Variants in LINGO2 observed in about 807,000 individuals in gnomAD.
LINGO2 encodes the protein leucine rich repeat and Ig domain containing 2.
Under a neutral mutation model 30.6 loss-of-function variants are expected in LINGO2, and 14 were observed. The observed-to-expected ratio is 0.46, with a 90% CI of 0.30 to 0.72. The LOEUF is 0.72. Among genes scored for constraint, LINGO2 ranks in the 30% least tolerant of loss-of-function variants. LINGO2 has a pLI of 0.07. For missense variants in LINGO2, 729 were observed against 751.7 expected (o/e 0.97, Z 0.35); for synonymous variants, 317 against 288.5 (o/e 1.10, Z -1.00).
intron 1 of LINGO2, among the ~76,000 whole-genome samples, chr9:28,515,154 A>G (rs1330300738): frequency 6.6e-6 from 1 of 152,048 alleles, no homozygotes; most frequent in Non-Finnish European, 1.5e-5. Flanking sequence ...TCTGCAGTCC[A>G]CGGATCAAGG....
At chr9:28,108,722 C>T (rs745695413) in intron 4 of LINGO2, among the ~76,000 whole-genome samples, 3 of 152,064 alleles carry the variant, frequency 2.0e-5, no homozygotes, top group African/African-American at 4.8e-5. Flanking sequence ...AACCAACAGT[C>T]CTTGAATACT....
chr9:29,031,658 T>G, the LINGO2 span, among the ~76,000 whole-genome samples: 1 of 152,180 alleles, frequency 6.6e-6, no homozygotes, highest in African/African-American at 2.4e-5. Flanking sequence ...ATCCTAACTT[T>G]CTTTACGAAG....
intron 1 of LINGO2, among the ~76,000 whole-genome samples, chr9:28,551,975 C>T (rs1033187260): frequency 1.3e-5 from 2 of 151,902 alleles, no homozygotes; most frequent in Admixed American, 6.6e-5. Context: ...AATATTAATC[C>T]TTTTTATTTT....
At chr9:29,002,673 C>T in the LINGO2 span, among the ~76,000 whole-genome samples, 1 of 152,006 alleles carries the variant, frequency 6.6e-6, no homozygotes, top group Non-Finnish European at 1.5e-5. Flanking sequence ...TTTACCTGCG[C>T]TCTGTCACTA....
intron 4 of LINGO2, among the ~76,000 whole-genome samples, chr9:28,100,152 T>G (rs899973437): frequency 1.3e-5 from 2 of 152,174 alleles, no homozygotes; most frequent in African/African-American, 4.8e-5. Context: ...ACTTCACACC[T>G]AGCATCGTAC....
chr9:28,306,196 T>C (rs57721145), intron 3 of LINGO2, among the ~76,000 whole-genome samples: 8,859 of 148,700 alleles, frequency 0.06, 693 homozygotes, highest in African/African-American at 0.19. Context: ...TACTTGAACA[T>C]GAACTAAGTG....
At chr9:28,268,297 C>T (rs1822823796) in intron 4 of LINGO2, among the ~76,000 whole-genome samples, 1 of 151,950 alleles carries the variant, frequency 6.6e-6, no homozygotes, top group South Asian at 2.1e-4. Context: ...CAATTTTGAA[C>T]TAGATTAGAA....
At chr9:28,094,458 A>T (rs1197943107) in intron 4 of LINGO2, among the ~76,000 whole-genome samples, 1 of 152,070 alleles carries the variant, frequency 6.6e-6, no homozygotes, top group Non-Finnish European at 1.5e-5. Context: ...TAAATTTGGT[A>T]AAAATCTGTT....
chr9:28,835,079 T>C, the LINGO2 span, among the ~76,000 whole-genome samples: 1 of 152,312 alleles, frequency 6.6e-6, no homozygotes, highest in East Asian at 1.9e-4. Flanking sequence ...GGCTTAGACC[T>C]GCTCTCCATG....
the LINGO2 span, among the ~76,000 whole-genome samples, chr9:28,833,868 C>T: frequency 1.3e-5 from 2 of 152,168 alleles, no homozygotes; most frequent in Non-Finnish European, 2.9e-5. Flanking sequence ...TCCATCTTTC[C>T]AATCCCAGCC....
chr9:29,160,533 G>A, the LINGO2 span, among the ~76,000 whole-genome samples: 1 of 152,270 alleles, frequency 6.6e-6, no homozygotes, highest in Non-Finnish European at 1.5e-5. Flanking sequence ...GAGTATTAGA[G>A]AATTGCTTTA....
chr9:28,094,641 A>G (rs568234573), intron 4 of LINGO2, among the ~76,000 whole-genome samples: 1 of 152,240 alleles, frequency 6.6e-6, no homozygotes, highest in East Asian at 1.9e-4. Flanking sequence ...TATGTGTGCT[A>G]AAGGTGAACA....
chr9:28,357,325 C>CCG lies in LINGO2; in HGVS notation c.-246+15510_-246+15511insCG, dbSNP rs1021634217. Among the ~76,000 whole-genome samples the CCG allele has an allele frequency of 3.4e-5, 5 of 146,182 alleles. No individual in the cohort carries two copies. In the East Asian group the frequency reaches 8.7e-4, roughly 25 times the overall value. ...AGATACAGAAATAAAGCCCACCCCC[C>CCG]CCAAAAAAGAAAGCACCAATACTTC... On this transcript the variant is annotated intron_variant, in intron 3 of 5. Transcript: ENST00000379992.
At chr9:28,555,305 T>C (rs1260787236) in intron 1 of LINGO2, among the ~76,000 whole-genome samples, 3 of 144,140 alleles carry the variant, frequency 2.1e-5, no homozygotes, top group Admixed American at 6.9e-5. Flanking sequence ...TAAAAAATGA[T>C]AAAGGGGATA....
chr9:28,696,024 C>T, the LINGO2 span, among the ~76,000 whole-genome samples: 1 of 151,780 alleles, frequency 6.6e-6, no homozygotes, highest in South Asian at 2.1e-4. Context: ...AAACCGTTTC[C>T]TTACTTTTTC....
chr9:28,246,833 A>T lies in LINGO2; in HGVS notation c.-87+48375T>A, dbSNP rs186738845. On this transcript the variant is annotated intron_variant, in intron 4 of 5. Transcript: ENST00000379992. ...GAACAGGCATCCTACAGAGTGGGAG[A>T]ATATTTTTGCAATCTACCCTTTTGA... 2.0e-3 allele frequency among the ~76,000 whole-genome samples: 312 copies of T among 152,344 alleles called. 1 individual carries two copies. Among genetic ancestry groups the T allele is most frequent in the African/African-American group, 7.2e-3 (301 of 41,586 alleles).
At chr9:29,149,364 C>T in the LINGO2 span, among the ~76,000 whole-genome samples, 1 of 152,006 alleles carries the variant, frequency 6.6e-6, no homozygotes, top group Non-Finnish European at 1.5e-5. Flanking sequence ...TGACTAGATG[C>T]AGCCAGGAAG....
chr9:28,934,823 G>A, the LINGO2 span, among the ~76,000 whole-genome samples: 1 of 152,098 alleles, frequency 6.6e-6, no homozygotes, highest in Non-Finnish European at 1.5e-5. Context: ...TGTACAAAGG[G>A]TGATTCAATT....
At chr9:28,340,542 G>C (rs1240442519) in intron 3 of LINGO2, among the ~76,000 whole-genome samples, 3 of 151,996 alleles carry the variant, frequency 2.0e-5, no homozygotes, top group Non-Finnish European at 4.4e-5. Flanking sequence ...ATTCTTTTGA[G>C]AGGTAAGGGG....
Sources: gnomAD v4.1 joint callset for allele counts (sites outside exome capture counted in the v4.1 genomes callset) on GRCh38, gnomAD v4.1.1 for gene constraint, MANE v1.5 for transcripts, NCBI Gene and HGNC (gene_info 2026-07-23, HGNC 2026-07-21) for gene names.